Variants in CHRM3 observed in about 807,000 individuals in gnomAD.
CHRM3 encodes the protein cholinergic receptor muscarinic 3.
Under a neutral mutation model 41.8 loss-of-function variants are expected in CHRM3, and 11 were observed. The ratio of observed to expected loss-of-function variants is 0.26; its 90% confidence interval spans 0.17 to 0.44. CHRM3 has a LOEUF of 0.44. Among genes scored for constraint, CHRM3 ranks in the 20% least tolerant of loss-of-function variants. The pLI, the probability that CHRM3 is intolerant of heterozygous loss-of-function variation, is 1.00. For missense variants in CHRM3, 571 were observed against 745.4 expected, an observed-to-expected ratio of 0.77 and a Z score of 2.72; for synonymous variants, 297 against 301.4, an observed-to-expected ratio of 0.99 and a Z score of 0.15.
chr1:239,826,464 G>A (rs1226078634), intron 5 of CHRM3, among the ~76,000 whole-genome samples: 1 of 152,164 alleles, frequency 6.6e-6, no homozygotes, highest in African/African-American at 2.4e-5. Context: ...TGCATCTCTG[G>A]TTTCAGTATT....
intron 3 of CHRM3, among the ~76,000 whole-genome samples, chr1:239,595,230 ATTAT>A (rs1664653449): frequency 6.6e-6 from 1 of 152,198 alleles, no homozygotes; most frequent in Admixed American, 6.5e-5. Context: ...TAATCTGGAG[ATTAT>A]TTAAAGTAAA....
Position 239,908,688 on chromosome 1 carries a change from A to G in CHRM3, c.1237A>G (p.Ser413Gly). ...AGCCGACAAGCTGCAGGCCCAGAAGAGCGTGGACGATGGAGGCAGTTTTCC... is the reference window on the plus strand; with the variant it reads ...AGCCGACAAGCTGCAGGCCCAGAAGGGCGTGGACGATGGAGGCAGTTTTCC... ...RKADKLQAQK[S>G]VDDGGSFPKS... The change falls in exon 7 of 7, where the codon AGC becomes GGC. Residue 413 changes from serine to glycine, a missense_variant. Transcript: ENST00000676153. The surrounding 1 kb of genome is among the most constrained non-coding windows in gnomAD (Gnocchi z 7.2). 6.2e-7 allele frequency: 1 copy of G among 1,613,082 alleles called. No homozygotes were observed. The highest frequency in any genetic ancestry group is 8.5e-7 in the Non-Finnish European group (1 of 1,179,568).
chr1:239,699,271 T>C (rs61834824), intron 5 of CHRM3, among the ~76,000 whole-genome samples: 4,062 of 151,866 alleles, frequency 0.027, 77 homozygotes, highest in Admixed American at 0.053. Flanking sequence ...TAACTCCCAG[T>C]GTGATGGTAT....
chr1:239,601,531 G>A (rs1665534809), intron 3 of CHRM3, among the ~76,000 whole-genome samples: 1 of 151,420 alleles, frequency 6.6e-6, no homozygotes, highest in Non-Finnish European at 1.5e-5. Context: ...GAGTTTTATA[G>A]TCTTAAGACC....
intron 5 of CHRM3, among the ~76,000 whole-genome samples, chr1:239,795,737 A>G (rs543103343): frequency 2.6e-5 from 4 of 152,214 alleles, no homozygotes; most frequent in Admixed American, 2.6e-4. Context: ...AAGATTCATA[A>G]TTTTTACTGG....
chr1:239,548,266 C>G (rs1011878920), intron 3 of CHRM3, among the ~76,000 whole-genome samples: 40 of 152,100 alleles, frequency 2.6e-4, no homozygotes, highest in African/African-American at 7.7e-4. Context: ...AGAGCATGAG[C>G]CCATGTTTTA....
chr1:239,794,436 G>C (rs1669605164), intron 5 of CHRM3, among the ~76,000 whole-genome samples: 1 of 148,568 alleles, frequency 6.7e-6, no homozygotes, highest in Admixed American at 6.7e-5. Context: ...TATTATTTGG[G>C]TTAGATGATT....
intron 5 of CHRM3, among the ~76,000 whole-genome samples, chr1:239,763,979 C>T (rs1667009456): frequency 6.6e-6 from 1 of 151,630 alleles, no homozygotes. Flanking sequence ...GTAGTCCCAG[C>T]TGCTCAGGAG....
chr1:239,551,223 C>T (rs891934522), intron 3 of CHRM3, among the ~76,000 whole-genome samples: 1 of 123,638 alleles, frequency 8.1e-6, no homozygotes. Flanking sequence ...AGTGCAATGG[C>T]GTGATCTCGG....
At chr1:239,856,137 C>T (rs1257515503) in intron 6 of CHRM3, among the ~76,000 whole-genome samples, 1 of 152,134 alleles carries the variant, frequency 6.6e-6, no homozygotes, top group Non-Finnish European at 1.5e-5. Flanking sequence ...GTTCACATCT[C>T]TATCCCTTTC....
At chr1:239,841,196 C>T (rs539455476) in intron 6 of CHRM3, among the ~76,000 whole-genome samples, 2 of 152,166 alleles carry the variant, frequency 1.3e-5, no homozygotes, top group African/African-American at 4.8e-5. Flanking sequence ...AGGCTTTGCA[C>T]ATTTAACTTG....
intron 2 of CHRM3, among the ~76,000 whole-genome samples, chr1:239,498,010 T>G (rs927603230): frequency 2.0e-5 from 3 of 152,104 alleles, no homozygotes; most frequent in African/African-American, 7.2e-5. Flanking sequence ...AGTAACTTAC[T>G]AACAATAATT....
At chr1:239,675,140 G>T (rs16838659) in intron 4 of CHRM3, among the ~76,000 whole-genome samples, 6,759 of 152,208 alleles carry the variant, frequency 0.044, 189 homozygotes, top group Middle Eastern at 0.11. Context: ...TAATTAGATT[G>T]CAAATCACTG....
At chr1:239,730,983 G>C (rs1205651549) in intron 5 of CHRM3, among the ~76,000 whole-genome samples, 1 of 151,718 alleles carries the variant, frequency 6.6e-6, no homozygotes, top group Non-Finnish European at 1.5e-5. Context: ...TATAGGACTT[G>C]GTAGCCAACT....
At chr1:239,866,519 T>C (rs977511373) in intron 6 of CHRM3, among the ~76,000 whole-genome samples, 1 of 152,106 alleles carries the variant, frequency 6.6e-6, no homozygotes, top group African/African-American at 2.4e-5. Context: ...TGTTTTTAAA[T>C]ACCTTTGTAA....
At chr1:239,872,333 C>G (rs1029634531) in intron 6 of CHRM3, among the ~76,000 whole-genome samples, 3 of 152,122 alleles carry the variant, frequency 2.0e-5, no homozygotes, top group African/African-American at 7.2e-5. Context: ...CTTTAATATC[C>G]CAGAGCTATC....
Position 239,910,387 on chromosome 1 carries a change from T to C in CHRM3, c.*1163T>C, listed in dbSNP as rs1468645028. ...GAGAGAATGAAGGAGAACATTGTGT[T>C]TGATTCTTGCTGAATGGCACCTTCT... On this transcript the variant is annotated 3_prime_UTR_variant, in exon 7 of 7. Coordinates refer to ENST00000676153, the MANE Select transcript of CHRM3 (RefSeq NM_001375978.1). The C allele has an allele frequency of 6.0e-6, 1 of 166,012 alleles. No individual in the cohort carries two copies. The highest frequency in any genetic ancestry group is 1.5e-5 in the Non-Finnish European group (1 of 67,968). The allele number at this position is 166,012 out of a possible 1,614,324, so 10.3% of individuals were successfully genotyped here.
chr1:239,664,192 A>G (rs1414898978), intron 4 of CHRM3, among the ~76,000 whole-genome samples: 2 of 152,240 alleles, frequency 1.3e-5, no homozygotes, highest in African/African-American at 4.8e-5. Flanking sequence ...AAATATTTAC[A>G]TAGTCCTTTT....
intron 1 of CHRM3, among the ~76,000 whole-genome samples, chr1:239,432,682 A>G (rs531068600): frequency 6.6e-6 from 1 of 152,346 alleles, no homozygotes; most frequent in East Asian, 1.9e-4. Context: ...ACGTATGAAA[A>G]TCAATTATGG....
Sources: gnomAD v4.1 joint callset for allele counts (sites outside exome capture counted in the v4.1 genomes callset) on GRCh38, gnomAD v4.1.1 for gene constraint, Gnocchi (gnomAD v3.1) non-coding constraint, MANE v1.5 for transcripts, NCBI Gene and HGNC (gene_info 2026-07-23, HGNC 2026-07-21) for gene names.